FSTL5: variants seen among roughly 807,000 people sequenced by gnomAD.
FSTL5 encodes the protein follistatin like 5.
FSTL5 carries 62 observed loss-of-function variants against 89.1 expected under a neutral mutation model. The ratio of observed to expected loss-of-function variants is 0.70; its 90% confidence interval spans 0.57 to 0.86. FSTL5 has a LOEUF of 0.86. FSTL5 is among the 40% of genes least tolerant of loss of function. The pLI, the probability that FSTL5 is intolerant of heterozygous loss-of-function variation, is 0.00. For missense variants in FSTL5, 1,057 were observed against 1,001.6 expected, an observed-to-expected ratio of 1.06 and a Z score of -0.75; for synonymous variants, 383 against 346.2, an observed-to-expected ratio of 1.11 and a Z score of -1.18.
rs765870822 is a variant in FSTL5 at position 161,950,527 on chromosome 4, T to C, written c.161-29875A>G. On this transcript the variant is annotated intron_variant, in intron 3 of 15. Transcript: ENST00000306100. ...GGAAAGTACCAGGTGCCTCCAGGCA[T>C]CTTTCCCAGTTCATCTGCTGTGGCA... 1.1e-4 allele frequency among the ~76,000 whole-genome samples: 16 copies of C among 152,168 alleles called. 1 individual carries two copies. The highest frequency in any genetic ancestry group is 5.9e-5 in the Non-Finnish European group (4 of 68,030).
chr4:161,984,694 A>G (rs1735914497), intron 3 of FSTL5, among the ~76,000 whole-genome samples: 1 of 152,158 alleles, frequency 6.6e-6, no homozygotes, highest in Non-Finnish European at 1.5e-5. Context: ...ACAAATCATC[A>G]GTCATTTCCA....
At chr4:161,778,092 T>TCACACACACA (rs71598736) in intron 4 of FSTL5, among the ~76,000 whole-genome samples, 33 of 148,242 alleles carry the variant, frequency 2.2e-4, no homozygotes, top group African/African-American at 6.7e-4. Flanking sequence ...AGACTCCGTA[T>TCACACACACA]CACACACACA....
chr4:161,522,059 T>C (rs1731055945), intron 10 of FSTL5, among the ~76,000 whole-genome samples: 1 of 151,896 alleles, frequency 6.6e-6, no homozygotes, highest in Admixed American at 6.6e-5. Context: ...TCCCTCTCTC[T>C]CCCCTTCGTT....
intron 15 of FSTL5, among the ~76,000 whole-genome samples, chr4:161,426,195 CA>C (rs545772081): frequency 2.6e-3 from 398 of 152,168 alleles, no homozygotes; most frequent in African/African-American, 9.0e-3. Flanking sequence ...CAACTCTATT[CA>C]AATAACACTT....
intron 7 of FSTL5, among the ~76,000 whole-genome samples, chr4:161,653,472 A>G (rs1210512871): frequency 1.3e-5 from 2 of 152,158 alleles, no homozygotes; most frequent in African/African-American, 2.4e-5. Flanking sequence ...AAGGAGGGCT[A>G]AACAAGTAAG....
At chr4:161,552,799 A>G (rs561788668) in intron 8 of FSTL5, among the ~76,000 whole-genome samples, 35 of 151,906 alleles carry the variant, frequency 2.3e-4, no homozygotes, top group African/African-American at 7.5e-4. Context: ...CTCAGTGACA[A>G]GCTAAACATT....
At chr4:161,916,213 T>C (rs1292344585) in intron 4 of FSTL5, among the ~76,000 whole-genome samples, 1 of 152,224 alleles carries the variant, frequency 6.6e-6, no homozygotes, top group Non-Finnish European at 1.5e-5. Flanking sequence ...TTTACCTTTA[T>C]GGCAGTTTTA....
chr4:161,643,140 T>C (rs1736025052), intron 7 of FSTL5, among the ~76,000 whole-genome samples: 6 of 152,206 alleles, frequency 3.9e-5, no homozygotes, highest in Admixed American at 2.6e-4. Flanking sequence ...TATTGTGTTA[T>C]ATGTTTTAAA....
intron 8 of FSTL5, among the ~76,000 whole-genome samples, chr4:161,566,033 A>G (rs961872726): frequency 3.4e-5 from 5 of 147,930 alleles, no homozygotes; most frequent in Non-Finnish European, 6.0e-5. Context: ...TCCTACCAAC[A>G]GTGTATAAGT....
chr4:161,563,558 T>C (rs72687546), intron 8 of FSTL5, among the ~76,000 whole-genome samples: 23,703 of 151,942 alleles, frequency 0.16, 2,447 homozygotes, highest in Non-Finnish European at 0.23. Flanking sequence ...GCTGTGCTTC[T>C]TTATTATTAT....
chr4:161,460,591 G>A (rs1435698775), intron 13 of FSTL5, among the ~76,000 whole-genome samples: 2 of 152,076 alleles, frequency 1.3e-5, no homozygotes, highest in Admixed American at 6.5e-5. Context: ...TGGAAATATG[G>A]AAATGCATGT....
intron 2 of FSTL5, chr4:162,043,428 G>A (rs907165506): frequency 2.6e-5 from 4 of 152,110 alleles, no homozygotes; most frequent in African/African-American, 9.7e-5. Context: ...TTAATCAAAA[G>A]TACTTTATTG....
intron 13 of FSTL5, among the ~76,000 whole-genome samples, chr4:161,462,525 T>G (rs1021774794): frequency 6.6e-6 from 1 of 152,226 alleles, no homozygotes; most frequent in African/African-American, 2.4e-5. Flanking sequence ...AAAATAATAA[T>G]GACAACAACA....
At position 161,385,790 on chromosome 4, in the gene FSTL5, T is replaced by C; in HGVS notation, c.2501A>G (p.Glu834Gly). Residue 834 changes from glutamate to glycine, a missense_variant, in exon 16 of 16, where the codon GAA (glutamate) becomes GGA (glycine). By Grantham distance (98) the Glu-to-Gly change is moderately conservative. Transcript: ENST00000306100. ...AATGACTGTATTTCCTTTTTCAACT[T>C]CAGTGATCTCACAGTTTAATTTATT... The part of the protein sequence containing the change: ...RLNKLNCEIT[E>G]VEKGNTVIWV... 1 of 1,609,256 alleles carries C rather than the reference T, an allele frequency of 6.2e-7. No individual in the cohort carries two copies.
At chr4:161,866,449 T>C (rs1732091711) in intron 4 of FSTL5, among the ~76,000 whole-genome samples, 1 of 144,594 alleles carries the variant, frequency 6.9e-6, no homozygotes, top group South Asian at 2.2e-4. Context: ...GGGTGTTTTA[T>C]AGTGTTCTAA....
At chr4:161,865,169 G>A (rs1732042160) in intron 4 of FSTL5, among the ~76,000 whole-genome samples, 1 of 152,044 alleles carries the variant, frequency 6.6e-6, no homozygotes, top group African/African-American at 2.4e-5. Context: ...GAAAAGAGAA[G>A]AGACACTAAT....
chr4:162,108,765 AATT>A, intron 2 of FSTL5, among the ~76,000 whole-genome samples: 1 of 151,386 alleles, frequency 6.6e-6, no homozygotes, highest in Non-Finnish European at 1.5e-5. Context: ...TACTTATTTT[AATT>A]ATTAACTAGA....
At chr4:161,386,504 A>C (rs1730652162) in intron 15 of FSTL5, 55 bp from the exon 16 acceptor site, 1 of 1,262,246 alleles carries the variant, frequency 7.9e-7, no homozygotes. Flanking sequence ...TTTAGCCGTA[A>C]GAAAAAAACT....
At chr4:161,561,338 G>C (rs556772115) in intron 8 of FSTL5, among the ~76,000 whole-genome samples, 1 of 152,064 alleles carries the variant, frequency 6.6e-6, no homozygotes, top group Admixed American at 6.6e-5. Context: ...TCTGATTTTG[G>C]AGCTTGAAGT....
Sources: allele counts gnomAD v4.1 joint callset (sites outside exome capture counted in the v4.1 genomes callset), GRCh38; gene constraint gnomAD v4.1.1; transcripts MANE v1.5; gene names NCBI Gene and HGNC (gene_info 2026-07-23, HGNC 2026-07-21).